DYNC2I1: variants seen among roughly 807,000 people sequenced by gnomAD.
DYNC2I1 encodes the protein cytoplasmic dynein 2 intermediate chain 1.
Under a neutral mutation model 133.4 loss-of-function variants are expected in DYNC2I1, and 89 were observed. That is an observed-to-expected ratio of 0.67 (90% confidence interval 0.56 to 0.80). The LOEUF (loss-of-function observed/expected upper bound fraction) is 0.80, where lower values mean the gene tolerates loss of function less well. Ranked by LOEUF, DYNC2I1 falls within the 30% of genes least tolerant of loss-of-function variation. The pLI, the probability that DYNC2I1 is intolerant of heterozygous loss-of-function variation, is 0.00. For synonymous variants in DYNC2I1, 504 were observed against 484.3 expected (o/e 1.04, Z -0.54); for missense variants, 1,291 against 1,314.5 (o/e 0.98, Z 0.28).
chr7:158,945,933 C>G lies in DYNC2I1; in HGVS notation c.*154C>G. ...TTACATGAATATGTCTTTGGTATTCCCAGTAAATAGATGACTACTTTTGAG... is the reference window on the plus strand; with the variant it reads ...TTACATGAATATGTCTTTGGTATTCGCAGTAAATAGATGACTACTTTTGAG... On this transcript the variant is annotated 3_prime_UTR_variant, in exon 25 of 25. Transcript: ENST00000407559. This position sits in a 1 kb window ranked among gnomAD's most constrained non-coding sequence, Gnocchi z 4.1. 1.3e-6 allele frequency: 1 copy of G among 741,810 alleles called. No individual in the cohort carries two copies. The highest frequency in any genetic ancestry group is 1.9e-6 in the Non-Finnish European group (1 of 521,490). 46.0% of individuals were successfully genotyped at this position (741,810 alleles called of 1,614,324 possible).
chr7:158,922,277 T>C, intron 15 of DYNC2I1, 100 bp from the exon 16 acceptor site: 3 of 1,246,692 alleles, frequency 2.4e-6, no homozygotes, highest in Non-Finnish European at 3.4e-6. Context: ...GTTTGTTTCT[T>C]CATGAAGCTG....
intron 7 of DYNC2I1, 59 bp from the exon 8 acceptor site, chr7:158,891,206 G>A (rs1845185534): frequency 1.3e-6 from 2 of 1,591,626 alleles, no homozygotes; most frequent in Admixed American, 3.3e-5. Context: ...GAGCTGCGTG[G>A]CGTGTGCCCT....
the DYNC2I1 span, among the ~76,000 whole-genome samples, chr7:158,844,849 G>A: frequency 2.6e-5 from 4 of 152,118 alleles, no homozygotes; most frequent in Middle Eastern, 3.2e-3. Context: ...TCGAACTCCC[G>A]ACCTCAGGTG....
Position 158,860,626 on chromosome 7 carries a change from T to C in DYNC2I1, c.15+3876T>C, listed in dbSNP as rs111952033. 1.0e-2 allele frequency among the ~76,000 whole-genome samples: 1,516 copies of C among 152,354 alleles called. 29 individuals carry two copies. Among genetic ancestry groups the C allele is most frequent in the African/African-American group, 0.034 (1,420 of 41,586 alleles). On this transcript the variant is annotated intron_variant, in intron 1 of 24. Coordinates refer to ENST00000407559, the MANE Select transcript of DYNC2I1 (RefSeq NM_018051.5). ...ATCTTGTTTACAATGTGTATGACTA[T>C]TAATTTTTATGGTCAATGAAAATTT...
intron 1 of DYNC2I1, among the ~76,000 whole-genome samples, chr7:158,863,662 G>GT (rs1172238808): frequency 2.3e-4 from 17 of 74,106 alleles, no homozygotes; most frequent in Non-Finnish European, 3.7e-4. Flanking sequence ...TTAGCTGGGG[G>GT]GGGGTGTGGG....
the DYNC2I1 span, among the ~76,000 whole-genome samples, chr7:158,849,013 A>G: frequency 3.3e-5 from 5 of 152,178 alleles, no homozygotes; most frequent in Non-Finnish European, 7.3e-5. Flanking sequence ...TTTGCCCCAG[A>G]TTGGAGAAAT....
At chr7:158,844,186 A>C in the DYNC2I1 span, among the ~76,000 whole-genome samples, 1 of 152,208 alleles carries the variant, frequency 6.6e-6, no homozygotes. Flanking sequence ...CTCAGTTCCC[A>C]AGTGAGTTTG....
chr7:158,915,271 CG>C (rs1847954385), intron 14 of DYNC2I1, among the ~76,000 whole-genome samples: 3 of 145,402 alleles, frequency 2.1e-5, no homozygotes, highest in African/African-American at 7.8e-5. Context: ...TGTGAAACCT[CG>C]ACACGGTGGT....
At chr7:158,922,713 G>A (rs990434856) in intron 16 of DYNC2I1, among the ~76,000 whole-genome samples, 164 bp downstream of exon 16, 1 of 152,158 alleles carries the variant, frequency 6.6e-6, no homozygotes, top group Non-Finnish European at 1.5e-5. Context: ...GCTGTGCTGT[G>A]GGTGCAGCGA....
At chr7:158,886,882 CAAGT>C in intron 6 of DYNC2I1, 135 bp from the exon 7 acceptor site, 1 of 778,214 alleles carries the variant, frequency 1.3e-6, no homozygotes, top group Non-Finnish European at 2.1e-6. Context: ...ATTACAGGTG[CAAGT>C]CATCGCTCCT....
In DYNC2I1 at chr7:158,922,429, C is replaced by A; in HGVS notation, c.1974C>A (p.Val658=). ...CCCGAGTTCAGAGGCAGATGGTGGT[C>A]TCCGTTCACGACTTACCCGAGAAGA... ...HTSRVQRQMV[V]SVHDLPEKSF... Residue 658 remains valine (V), a synonymous_variant, in exon 16 of 25, where the codon GTC becomes GTA. Coordinates refer to ENST00000407559, the MANE Select transcript of DYNC2I1 (RefSeq NM_018051.5). The A allele has an allele frequency of 6.2e-7, 1 of 1,614,010 alleles. No homozygotes were observed. Among genetic ancestry groups the A allele is most frequent in the East Asian group, 2.2e-5 (1 of 44,890 alleles).
chr7:158,883,549 A>G (rs1844269658), intron 5 of DYNC2I1, among the ~76,000 whole-genome samples: 1 of 151,440 alleles, frequency 6.6e-6, no homozygotes, highest in Non-Finnish European at 1.5e-5. Context: ...GATTTTAATT[A>G]GAATGATATA....
At chr7:158,954,996 A>G (rs971431279) in intron 4 of DYNC2I1, among the ~76,000 whole-genome samples, 1 of 150,666 alleles carries the variant, frequency 6.6e-6, no homozygotes, top group African/African-American at 2.4e-5. Context: ...TGCCCATTCT[A>G]GTGGGACAGT....
chr7:158,915,277 G>T (rs1237783138), intron 14 of DYNC2I1, among the ~76,000 whole-genome samples: 2 of 143,942 alleles, frequency 1.4e-5, no homozygotes, highest in Non-Finnish European at 3.1e-5. Flanking sequence ...ACCTCGACAC[G>T]GTGGTTGAGA....
intron 10 of DYNC2I1, chr7:158,902,906 A>G: frequency 3.4e-6 from 1 of 292,840 alleles, no homozygotes; most frequent in Non-Finnish European, 6.3e-6. Context: ...CTCCAGAGGG[A>G]GCTGAGGATG....
chr7:158,917,391 CTG>C (rs1170598897), intron 14 of DYNC2I1, among the ~76,000 whole-genome samples: 456 of 139,306 alleles, frequency 3.3e-3, no homozygotes, highest in Non-Finnish European at 4.2e-3. Context: ...ACTCCACCCT[CTG>C]CCTCTCACTA....
At chr7:158,948,501 G>C (rs1851955838), downstream of DYNC2I1, among the ~76,000 whole-genome samples, 1 of 152,222 alleles carries the variant, frequency 6.6e-6, no homozygotes, top group African/African-American at 2.4e-5. Flanking sequence ...TGCTGTGCTG[G>C]ACTGAGCTCT....
At chr7:158,891,921 G>A (rs564434690) in intron 8 of DYNC2I1, among the ~76,000 whole-genome samples, 3 of 110,498 alleles carry the variant, frequency 2.7e-5, no homozygotes, top group South Asian at 3.1e-4. Context: ...GCACGGCCTC[G>A]TGTGAGGGAA....
At chr7:158,878,894 GAGGCCAGGA>G (rs1843697213) in intron 4 of DYNC2I1, among the ~76,000 whole-genome samples, 1 of 149,282 alleles carries the variant, frequency 6.7e-6, no homozygotes, top group Non-Finnish European at 1.5e-5. Context: ...ACCATGTGGG[GAGGCCAGGA>G]GGGCCGACTG....
Sources: allele counts gnomAD v4.1 joint callset (sites outside exome capture counted in the v4.1 genomes callset), GRCh38; gene constraint gnomAD v4.1.1; non-coding constraint Gnocchi (gnomAD v3.1); transcripts MANE v1.5; gene names NCBI Gene and HGNC (gene_info 2026-07-23, HGNC 2026-07-21).